SLIT3: variants seen among roughly 807,000 people sequenced by gnomAD.
SLIT3 encodes the protein slit guidance ligand 3, also known as slit homolog 3 protein.
In SLIT3, 68 loss-of-function variants were observed where a neutral mutation model predicts 184.0. The ratio of observed to expected loss-of-function variants is 0.37; its 90% CI spans 0.30 to 0.45. SLIT3 has a LOEUF of 0.45. SLIT3 is among the 20% of genes least tolerant of loss of function. SLIT3 has a pLI of 1.00. For synonymous variants in SLIT3, 831 were observed against 828.6 expected, an observed-to-expected ratio of 1.00 and a Z score of -0.05; for missense variants, 1,707 against 2,026.0, an observed-to-expected ratio of 0.84 and a Z score of 3.02.
chr5:168,848,759 C>T (rs1010965203), intron 5 of SLIT3, among the ~76,000 whole-genome samples: 1 of 152,028 alleles, frequency 6.6e-6, no homozygotes, highest in South Asian at 2.1e-4. Flanking sequence ...AAAGGAAAGC[C>T]AGCGTGAGTG....
intron 8 of SLIT3, among the ~76,000 whole-genome samples, chr5:168,815,119 A>C (rs62378502): frequency 0.12 from 18,577 of 152,282 alleles, 1,441 homozygotes; most frequent in African/African-American, 0.2. Flanking sequence ...CTTCATACTA[A>C]GAAGCTCCAG....
At chr5:168,875,493 G>T (rs1428185855) in intron 5 of SLIT3, among the ~76,000 whole-genome samples, 8 of 152,078 alleles carry the variant, frequency 5.3e-5, no homozygotes, top group Non-Finnish European at 1.0e-4. Flanking sequence ...AATTAGCCAG[G>T]TGTGGTGGCA....
intron 14 of SLIT3, chr5:168,772,258 T>C (rs114568508): frequency 0.02 from 3,035 of 153,938 alleles, 96 homozygotes; most frequent in African/African-American, 0.069. Context: ...GGAGCTAAGC[T>C]AGTGAAAGTG....
At chr5:169,291,521 C>T (rs767485350) in intron 1 of SLIT3, among the ~76,000 whole-genome samples, 1 of 152,162 alleles carries the variant, frequency 6.6e-6, no homozygotes, top group Non-Finnish European at 1.5e-5. Context: ...GACTGTACCA[C>T]GTTCCCATTT....
intron 34 of SLIT3, 138 bp from the exon 35 acceptor site, chr5:168,670,129 G>A (rs1226711945): frequency 9.8e-6 from 7 of 711,682 alleles, no homozygotes; most frequent in East Asian, 2.7e-5. Flanking sequence ...CCTAGGCTGA[G>A]CATCTCTTTT....
In SLIT3 at chr5:168,664,921, C is replaced by A. The variant is rs1760986917; in HGVS notation, c.*1533G>T. 1 of 152,220 alleles carries A rather than the reference C, an allele frequency of 6.6e-6. No homozygotes were observed. Among genetic ancestry groups the A allele is most frequent in the African/African-American group, 2.4e-5 (1 of 41,438 alleles). 9.4% of individuals were successfully genotyped at this position (152,220 alleles called of 1,614,324 possible). ...GGTCACTTTCCCTAGATGCATAAGC[C>A]CTGGTCTCCAGAATCTTTCCAGATA... On this transcript the variant is annotated 3_prime_UTR_variant, in exon 36 of 36. Coordinates refer to ENST00000519560, the MANE Select transcript of SLIT3 (RefSeq NM_003062.4).
chr5:169,173,052 G>A (rs570615636), intron 4 of SLIT3, among the ~76,000 whole-genome samples: 6 of 152,218 alleles, frequency 3.9e-5, no homozygotes, highest in Non-Finnish European at 5.9e-5. Flanking sequence ...CCTTGAGGTC[G>A]GGAGTTCGAG....
intron 1 of SLIT3, among the ~76,000 whole-genome samples, chr5:169,281,253 C>T (rs772218360): frequency 2.2e-4 from 33 of 152,092 alleles, no homozygotes; most frequent in Non-Finnish European, 4.3e-4. Context: ...CCAAGGTGGG[C>T]GGATCATGAG....
At chr5:169,283,283 A>T (rs75080168) in intron 1 of SLIT3, among the ~76,000 whole-genome samples, 162 of 152,354 alleles carry the variant, frequency 1.1e-3, no homozygotes, top group Admixed American at 1.6e-3. Flanking sequence ...AGCTATCAAG[A>T]ACTCCTGGAT....
intron 29 of SLIT3, among the ~76,000 whole-genome samples, chr5:168,690,931 C>T (rs1761888788): frequency 6.6e-6 from 1 of 152,186 alleles, no homozygotes; most frequent in African/African-American, 2.4e-5. Flanking sequence ...TTCTTCTTCC[C>T]CCAGTGGAGC....
At chr5:169,086,071 C>T (rs549867893) in intron 4 of SLIT3, among the ~76,000 whole-genome samples, 51 of 152,328 alleles carry the variant, frequency 3.3e-4, no homozygotes, top group Admixed American at 1.4e-3. Context: ...CTAAAGCCAA[C>T]GGCCTTTCCT....
chr5:169,125,704 A>G (rs1344741419), intron 4 of SLIT3, among the ~76,000 whole-genome samples: 1 of 152,038 alleles, frequency 6.6e-6, no homozygotes, highest in Non-Finnish European at 1.5e-5. Flanking sequence ...ATCCCCTCCT[A>G]CCACATTTTT....
chr5:169,205,159 A>G (rs1426714123), intron 3 of SLIT3, among the ~76,000 whole-genome samples: 3 of 152,200 alleles, frequency 2.0e-5, no homozygotes, highest in African/African-American at 7.2e-5. Context: ...GACAAAGTCT[A>G]TGAATTATAT....
chr5:169,172,001 G>A (rs1008804224), intron 4 of SLIT3, among the ~76,000 whole-genome samples: 2 of 152,216 alleles, frequency 1.3e-5, no homozygotes, highest in African/African-American at 2.4e-5. Flanking sequence ...AGGCATGGAG[G>A]GGAAATGCCA....
intron 20 of SLIT3, among the ~76,000 whole-genome samples, chr5:168,746,797 G>GT (rs1561907739): frequency 1.2e-5 from 1 of 81,366 alleles, no homozygotes; most frequent in Admixed American, 1.4e-4. Flanking sequence ...GTGGTGGTGT[G>GT]GGTGTGGCGG....
chr5:169,237,751 T>C lies in SLIT3; in HGVS notation c.341+6954A>G, dbSNP rs1235731926. On this transcript the variant is annotated intron_variant, in intron 3 of 35. Transcript: ENST00000519560. Reference sequence around the variant, plus strand: ...ATCTTTTGTCCATTTCTTTCCTTTATAGGGGGAGAGTGGTATCTGCTTACT... The same window carrying C: ...ATCTTTTGTCCATTTCTTTCCTTTACAGGGGGAGAGTGGTATCTGCTTACT... Among the ~76,000 whole-genome samples the C allele has an allele frequency of 2.6e-5, 4 of 152,168 alleles. No homozygotes were observed. In the East Asian group the frequency reaches 7.7e-4, roughly 29 times the overall value.
rs1760030047 is a variant in SLIT3 at position 168,883,409 on chromosome 5, A to C, written c.414-73T>G. ...TTGATCTGCATCTCATTAAATGATA[A>C]CAATCCCCCCCACCCAGGCTGCTGC... On this transcript the variant is annotated intron_variant, in intron 4 of 35. Coordinates refer to ENST00000519560, the MANE Select transcript of SLIT3 (RefSeq NM_003062.4). The C allele has an allele frequency of 5.1e-6, 6 of 1,172,932 alleles. 1 individual carries two copies. In the South Asian group the frequency reaches 7.4e-5, roughly 14 times the overall value. 72.7% of individuals were successfully genotyped at this position (1,172,932 alleles called of 1,614,324 possible). A position where few individuals can be genotyped will look rare whatever the true frequency, so the allele number is the denominator to read the frequency against.
rs11428012 is a variant in SLIT3, at chr5:168,993,673, G to GAA, written c.414-110339_414-110338dup. 4.4e-3 allele frequency among the ~76,000 whole-genome samples: 637 copies of GAA among 145,238 alleles called. 1 individual carries two copies. The highest frequency in any genetic ancestry group is 0.012 in the African/African-American group (473 of 39,850). On this transcript the variant is annotated intron_variant, in intron 4 of 35. Coordinates refer to ENST00000519560, the MANE Select transcript of SLIT3 (RefSeq NM_003062.4). ...TCTCATATACTTTCTAAGTACACAG[G>GAA]AAAAAAAAAAAAACTCCTGACTAAA...
chr5:168,907,187 T>G (rs1359162234), intron 4 of SLIT3, among the ~76,000 whole-genome samples: 1 of 152,120 alleles, frequency 6.6e-6, no homozygotes, highest in East Asian at 1.9e-4. Context: ...TTCTCACCAG[T>G]CTTTTAAGTC....
Sources: gnomAD v4.1 joint callset for allele counts (sites outside exome capture counted in the v4.1 genomes callset) on GRCh38, gnomAD v4.1.1 for gene constraint, MANE v1.5 for transcripts, NCBI Gene and HGNC (gene_info 2026-07-23, HGNC 2026-07-21) for gene names.